Variants in CNTNAP2 observed in about 807,000 individuals in gnomAD.
CNTNAP2 encodes the protein contactin associated protein 2, also known as contactin-associated protein-like 2.
Under a neutral mutation model 155.2 loss-of-function variants are expected in CNTNAP2, and 98 were observed. The observed-to-expected ratio is 0.63, with a 90% CI of 0.54 to 0.75. The LOEUF is 0.75. Ranked by LOEUF, CNTNAP2 falls within the 30% of genes least tolerant of loss-of-function variation. The pLI, the probability that CNTNAP2 is intolerant of heterozygous loss-of-function variation, is 0.00. For synonymous variants in CNTNAP2, 651 were observed against 631.2 expected (o/e 1.03, Z -0.47); for missense variants, 1,727 against 1,688.1 (o/e 1.02, Z -0.40).
intron 10 of CNTNAP2, among the ~76,000 whole-genome samples, chr7:147,411,266 G>T (rs1270702811): frequency 6.6e-6 from 1 of 152,092 alleles, no homozygotes; most frequent in African/African-American, 2.4e-5. Context: ...AAAAAAATGT[G>T]GCCTAAATTA....
intron 1 of CNTNAP2, among the ~76,000 whole-genome samples, chr7:146,541,347 A>G (rs1252607595): frequency 1.3e-5 from 2 of 152,064 alleles, no homozygotes; most frequent in Non-Finnish European, 2.9e-5. Flanking sequence ...CTTGAGGTCT[A>G]ATAAGGAGAG....
At chr7:147,146,698 GA>G (rs1233142231) in intron 8 of CNTNAP2, 2 of 152,244 alleles carry the variant, frequency 1.3e-5, no homozygotes, top group African/African-American at 4.8e-5. Flanking sequence ...AAATATAGAA[GA>G]AGTTTAAATT....
At chr7:147,011,418 CA>C (rs759844476) in intron 3 of CNTNAP2, among the ~76,000 whole-genome samples, 661 of 13,238 alleles carry the variant, frequency 0.05, 15 homozygotes, top group Non-Finnish European at 0.073. Context: ...CACTCCATCT[CA>C]AAAAAAAAAA....
At position 146,897,187 on chromosome 7, in the gene CNTNAP2, A is replaced by G. The variant is rs75890179; in HGVS notation, c.402+57283A>G. 2.6e-5 allele frequency among the ~76,000 whole-genome samples: 4 copies of G among 152,250 alleles called. No homozygotes were observed. The East Asian group carries it at 7.7e-4, about 29-fold the overall frequency. ...TAGAAATTGGAAAATCAAGCCCATC[A>G]TTACACTGAGATACTACTCAGTGTC... On this transcript the variant is annotated intron_variant, in intron 3 of 23. Coordinates refer to ENST00000361727, the MANE Select transcript of CNTNAP2 (RefSeq NM_014141.6).
chr7:147,572,797 A>T (rs1249926476), intron 12 of CNTNAP2, among the ~76,000 whole-genome samples: 1 of 152,250 alleles, frequency 6.6e-6, no homozygotes, highest in East Asian at 1.9e-4. Flanking sequence ...AACCACAGGA[A>T]TAATCTCATA....
intron 1 of CNTNAP2, among the ~76,000 whole-genome samples, chr7:146,456,264 A>G (rs777639900): frequency 4.6e-5 from 7 of 152,188 alleles, no homozygotes; most frequent in Non-Finnish European, 7.3e-5. Context: ...TATGTATTTT[A>G]ATGTTTTCAG....
intron 9 of CNTNAP2, among the ~76,000 whole-genome samples, chr7:147,389,381 G>T (rs568339536): frequency 6.6e-6 from 1 of 152,162 alleles, no homozygotes; most frequent in Admixed American, 6.6e-5. Context: ...TTTTAAACAT[G>T]TCAATTTTTC....
At chr7:148,202,228 C>G (rs1795380316) in intron 18 of CNTNAP2, among the ~76,000 whole-genome samples, 1 of 152,140 alleles carries the variant, frequency 6.6e-6, no homozygotes, top group Non-Finnish European at 1.5e-5. Context: ...GAGAGCAAAC[C>G]TGTGAGCAAA....
intron 8 of CNTNAP2, among the ~76,000 whole-genome samples, chr7:147,256,597 A>G (rs1804334061): frequency 6.6e-6 from 1 of 152,150 alleles, no homozygotes; most frequent in Non-Finnish European, 1.5e-5. Context: ...AGAACAATAG[A>G]AAATAGCTCC....
chr7:148,056,330 G>A (rs1803008326), intron 15 of CNTNAP2: 1 of 152,168 alleles, frequency 6.6e-6, no homozygotes, highest in Admixed American at 6.5e-5. Context: ...CATGCAGTCA[G>A]TTTTCTGTCT....
chr7:146,324,965 C>A (rs1801071908), intron 1 of CNTNAP2, among the ~76,000 whole-genome samples: 1 of 152,060 alleles, frequency 6.6e-6, no homozygotes, highest in African/African-American at 2.4e-5. Flanking sequence ...TACAGATTCC[C>A]ACTCTGTTGC....
intron 9 of CNTNAP2, among the ~76,000 whole-genome samples, chr7:147,322,391 A>T (rs1795368932): frequency 6.6e-6 from 1 of 152,204 alleles, no homozygotes; most frequent in Non-Finnish European, 1.5e-5. Context: ...GAATTTGATT[A>T]TAGTTTGTGT....
At chr7:146,690,143 C>T (rs1362772419) in intron 1 of CNTNAP2, among the ~76,000 whole-genome samples, 1 of 151,958 alleles carries the variant, frequency 6.6e-6, no homozygotes, top group Non-Finnish European at 1.5e-5. Flanking sequence ...GCAAGAATTC[C>T]ATTTACTGGA....
chr7:146,495,239 A>C (rs1797196857), intron 1 of CNTNAP2, among the ~76,000 whole-genome samples: 1 of 152,248 alleles, frequency 6.6e-6, no homozygotes, highest in Non-Finnish European at 1.5e-5. Flanking sequence ...CAGATTTCCC[A>C]AAACAACCCT....
intron 3 of CNTNAP2, among the ~76,000 whole-genome samples, chr7:146,866,751 T>A (rs1795212533): frequency 2.0e-5 from 3 of 152,138 alleles, no homozygotes; most frequent in African/African-American, 7.2e-5. Context: ...GAACATTATT[T>A]GTAATAGAGC....
chr7:147,037,934 C>T (rs1193213822), intron 3 of CNTNAP2, among the ~76,000 whole-genome samples: 1 of 152,136 alleles, frequency 6.6e-6, no homozygotes, highest in Non-Finnish European at 1.5e-5. Flanking sequence ...CTATGGTATT[C>T]TTTTGAAATA....
chr7:146,884,978 T>C (rs1198793784), intron 3 of CNTNAP2, among the ~76,000 whole-genome samples: 1 of 152,148 alleles, frequency 6.6e-6, no homozygotes, highest in Non-Finnish European at 1.5e-5. Context: ...TTTGATAAGT[T>C]CAAGAGTTTA....
At chr7:147,740,665 T>A (rs996249747) in intron 13 of CNTNAP2, among the ~76,000 whole-genome samples, 7 of 152,190 alleles carry the variant, frequency 4.6e-5, no homozygotes, top group African/African-American at 1.7e-4. Flanking sequence ...GAAAATATCA[T>A]CAGTCACTTC....
chr7:147,730,344 C>G (rs1796717291), intron 13 of CNTNAP2, among the ~76,000 whole-genome samples: 1 of 152,040 alleles, frequency 6.6e-6, no homozygotes. Flanking sequence ...TTAAGCCAAC[C>G]CTATTGGCGC....
Sources: gnomAD v4.1 joint callset for allele counts (sites outside exome capture counted in the v4.1 genomes callset) on GRCh38, gnomAD v4.1.1 for gene constraint, MANE v1.5 for transcripts, NCBI Gene and HGNC (gene_info 2026-07-23, HGNC 2026-07-21) for gene names.